A2ML1: variants seen among roughly 807,000 people sequenced by gnomAD.
The protein encoded by A2ML1 is alpha-2-macroglobulin like 1.
In A2ML1, 161 loss-of-function variants were observed where a neutral mutation model predicts 181.9. The observed-to-expected ratio is 0.89, with a 90% confidence interval of 0.78 to 1.01. The LOEUF is 1.01. Among genes scored for constraint, A2ML1 ranks in the 50% least tolerant of loss-of-function variants. The pLI is 0.00. For synonymous variants in A2ML1, 663 were observed against 666.8 expected, an observed-to-expected ratio of 0.99 and a Z score of 0.09; for missense variants, 1,670 against 1,768.1, an observed-to-expected ratio of 0.94 and a Z score of 1.00.
Position 8,843,152 on chromosome 12 carries a change from G to A in A2ML1, c.1267G>A (p.Asp423Asn). ...VSLEGKFQME[D>N]LVYNPEQVPR... ...TTCTCAGGGAAAGTTTCAAATGGAA[G>A]ACTTAGTATATAATCCGGAACAAGT... The change falls in exon 12 of 36, where the codon GAC becomes AAC. Residue 423 changes from aspartate (D) to asparagine (N), a missense_variant. Asp to Asn is a conservative substitution (Grantham distance 23). Transcript: ENST00000299698. 2.5e-6 allele frequency: 4 copies of A among 1,614,034 alleles called. No individual in the cohort carries two copies. The highest frequency in any genetic ancestry group is 3.4e-6 in the Non-Finnish European group (4 of 1,179,984).
chr12:8,827,231 TG>T (rs1467158526), intron 3 of A2ML1, among the ~76,000 whole-genome samples: 2 of 152,108 alleles, frequency 1.3e-5, no homozygotes, highest in Non-Finnish European at 2.9e-5. Context: ...TCCCAGCTAC[TG>T]GGGAGGCTGA....
intron 33 of A2ML1, among the ~76,000 whole-genome samples, chr12:8,870,345 G>A (rs1007004781): frequency 6.6e-5 from 10 of 151,996 alleles, no homozygotes; most frequent in African/African-American, 2.4e-4. Context: ...TCAGCTCACT[G>A]TAAGCTCTGC....
At chr12:8,825,413 C>G (rs1423737487) in intron 3 of A2ML1, among the ~76,000 whole-genome samples, 1 of 152,054 alleles carries the variant, frequency 6.6e-6, no homozygotes, top group Non-Finnish European at 1.5e-5. Flanking sequence ...AATGTCTATT[C>G]AGATCTTTTT....
At chr12:8,886,014 A>T (rs1592171557) in intron 7 of A2ML1, among the ~76,000 whole-genome samples, 1 of 142,116 alleles carries the variant, frequency 7.0e-6, no homozygotes, top group African/African-American at 2.8e-5. Context: ...AATATCTCAC[A>T]CACACACACA....
At chr12:8,834,110 A>G (rs1022838242) in intron 4 of A2ML1, among the ~76,000 whole-genome samples, 4 of 152,064 alleles carry the variant, frequency 2.6e-5, no homozygotes, top group African/African-American at 9.7e-5. Context: ...CCTGTTCCTC[A>G]CAAACTTAAT....
intron 35 of A2ML1, chr12:8,875,679 T>G (rs1033229653): frequency 6.6e-6 from 1 of 152,230 alleles, no homozygotes; most frequent in African/African-American, 2.4e-5. Flanking sequence ...CCTCAGGTGA[T>G]CCGCCTACTT....
chr12:8,854,983 C>T (rs1944015239), intron 22 of A2ML1, 152 bp downstream of exon 22: 1 of 776,688 alleles, frequency 1.3e-6, no homozygotes, highest in African/African-American at 1.8e-5. Flanking sequence ...CAACCTCTGC[C>T]TCCCGGGTTC....
rs995456410 is a variant in A2ML1, at chr12:8,841,602, T to G, written c.1248+66T>G. 4.3e-5 allele frequency: 66 copies of G among 1,532,226 alleles called. No homozygotes were observed. The Admixed American group carries it at 5.5e-4, about 13-fold the overall frequency. 94.9% of individuals were successfully genotyped at this position (1,532,226 alleles called of 1,614,324 possible). A position where few individuals can be genotyped will look rare whatever the true frequency, so the allele number is the denominator to read the frequency against. ...TTCCCTGAAGGAAAACTTCAGAATTTTCCTGTTTCCTATTCTCCCCTCTGC... is the reference window on the plus strand; with the variant it reads ...TTCCCTGAAGGAAAACTTCAGAATTGTCCTGTTTCCTATTCTCCCCTCTGC... On this transcript the variant is annotated intron_variant, in intron 11 of 35. Coordinates refer to ENST00000299698, the MANE Select transcript of A2ML1 (RefSeq NM_144670.6).
At chr12:8,851,718 T>C in intron 18 of A2ML1, 66 bp from the exon 19 acceptor site, 2 of 1,511,164 alleles carry the variant, frequency 1.3e-6, no homozygotes, top group East Asian at 2.3e-5. Context: ...ATTTGTGGCT[T>C]AATTCACAAA....
At chr12:8,884,055 G>C (rs1944895089) in intron 7 of A2ML1, among the ~76,000 whole-genome samples, 1 of 152,022 alleles carries the variant, frequency 6.6e-6, no homozygotes. Context: ...CAAAGTGCTG[G>C]GATTACAGGC....
chr12:8,883,429 C>A (rs888412343), intron 7 of A2ML1, among the ~76,000 whole-genome samples: 1 of 152,348 alleles, frequency 6.6e-6, no homozygotes, highest in African/African-American at 2.4e-5. Context: ...TTCCAGCCTA[C>A]AAAAAGTAAC....
rs140511652 is a variant in A2ML1, at chr12:8,853,998, T to C, written c.2591-130T>C. ...TGCAGAATATGGGCCCCACCCCAGG[T>C]CTATGGCAGCAGAGTTTGCACTGTT... On this transcript the variant is annotated intron_variant, in intron 20 of 35. Coordinates refer to ENST00000299698, the MANE Select transcript of A2ML1 (RefSeq NM_144670.6). The C allele has an allele frequency of 1.2e-3, 1,431 of 1,232,294 alleles. 12 individuals are homozygous for C. The African/African-American group carries it at 0.019, about 16-fold the overall frequency. 76.3% of individuals were successfully genotyped at this position (1,232,294 alleles called of 1,614,324 possible). A position where few individuals can be genotyped will look rare whatever the true frequency, so the allele number is the denominator to read the frequency against.
chr12:8,833,121 G>A (rs745769547), intron 4 of A2ML1, among the ~76,000 whole-genome samples: 1 of 152,012 alleles, frequency 6.6e-6, no homozygotes, highest in South Asian at 2.1e-4. Flanking sequence ...TTACAGGAAT[G>A]TACCACCACA....
In A2ML1 at chr12:8,845,991, G is replaced by A. The variant is rs141930023; in HGVS notation, c.1538-86G>A. 4.5e-4 allele frequency: 669 copies of A among 1,482,206 alleles called. 4 individuals carry two copies. In the East Asian group the frequency reaches 1.0e-2, roughly 22 times the overall value. The allele number at this position is 1,482,206 out of a possible 1,614,324, so 91.8% of individuals were successfully genotyped here. A position where few individuals can be genotyped will look rare whatever the true frequency, so the allele number is the denominator to read the frequency against. ...AACTTGCACCATGGTGCCTGCACTG[G>A]CTCAGTGAAAAGTACATATGGTTAG... On this transcript the variant is annotated intron_variant, in intron 13 of 35. Coordinates refer to ENST00000299698, the MANE Select transcript of A2ML1 (RefSeq NM_144670.6).
At chr12:8,878,521 C>A (rs1182125435), downstream of A2ML1, among the ~76,000 whole-genome samples, 7 of 152,114 alleles carry the variant, frequency 4.6e-5, no homozygotes, top group Admixed American at 4.6e-4. This position sits in a 1 kb window ranked among gnomAD's most constrained non-coding sequence, Gnocchi z 4.4. Flanking sequence ...GGAAAGAGGG[C>A]AAGAGTTGAA....
intron 16 of A2ML1, 27 bp downstream of exon 16, chr12:8,848,941 T>A: frequency 6.3e-7 from 1 of 1,593,754 alleles, no homozygotes. Flanking sequence ...ATTTTGTTCT[T>A]ATGGGAAAGA....
chr12:8,867,765 T>G, intron 29 of A2ML1, 77 bp from the exon 30 acceptor site: 1 of 1,283,080 alleles, frequency 7.8e-7, no homozygotes, highest in Non-Finnish European at 1.1e-6. Context: ...CAACCAGATG[T>G]GTGGGTTATA....
At chr12:8,875,074 T>G in intron 35 of A2ML1, 62 bp downstream of exon 35, 1 of 1,530,712 alleles carries the variant, frequency 6.5e-7, no homozygotes, top group Admixed American at 1.7e-5. Flanking sequence ...AAGAGGAGCC[T>G]CTTTTCGAGT....
downstream of A2ML1, among the ~76,000 whole-genome samples, chr12:8,877,338 G>A (rs1440770096): frequency 6.6e-6 from 1 of 152,074 alleles, no homozygotes; most frequent in Non-Finnish European, 1.5e-5. Context: ...AATGACAGAT[G>A]GGACCTACTT....
Sources: allele counts gnomAD v4.1 joint callset (sites outside exome capture counted in the v4.1 genomes callset), GRCh38; gene constraint gnomAD v4.1.1; non-coding constraint Gnocchi (gnomAD v3.1); transcripts MANE v1.5; gene names NCBI Gene and HGNC (gene_info 2026-07-23, HGNC 2026-07-21).